The following KCNIP4 variants were observed in gnomAD, a reference collection of about 807,000 sequenced individuals.
KCNIP4 encodes Kv channel-interacting protein 4.
Under a neutral mutation model 34.0 loss-of-function variants are expected in KCNIP4, and 12 were observed. The ratio of observed to expected loss-of-function variants is 0.35; its 90% CI spans 0.23 to 0.57. The LOEUF (loss-of-function observed/expected upper bound fraction) is 0.57. Among genes scored for constraint, KCNIP4 ranks in the 20% least tolerant of loss-of-function variants. The pLI is 0.83. For synonymous variants in KCNIP4, 124 were observed against 102.2 expected (o/e 1.21, Z -1.29); for missense variants, 238 against 311.7 (o/e 0.76, Z 1.78).
chr4:21,245,079 G>A (rs1403940552), intron 1 of KCNIP4, among the ~76,000 whole-genome samples: 1 of 152,118 alleles, frequency 6.6e-6, no homozygotes, highest in Non-Finnish European at 1.5e-5. Flanking sequence ...TGAAGATGTG[G>A]TCTCCTATCT....
intron 1 of KCNIP4, among the ~76,000 whole-genome samples, chr4:21,078,478 G>A (rs965693565): frequency 6.6e-6 from 1 of 151,972 alleles, no homozygotes; most frequent in Non-Finnish European, 1.5e-5. Context: ...GAGAGAGAGA[G>A]AGATCATCTC....
chr4:20,750,425 A>G (rs1753405587), intron 4 of KCNIP4, among the ~76,000 whole-genome samples: 2 of 152,102 alleles, frequency 1.3e-5, no homozygotes, highest in South Asian at 2.1e-4. Context: ...TCCTAGTTGT[A>G]TGAAGTTGCA....
At chr4:21,552,032 T>C (rs1367814662) in intron 1 of KCNIP4, among the ~76,000 whole-genome samples, 6 of 102,120 alleles carry the variant, frequency 5.9e-5, no homozygotes, top group South Asian at 4.5e-4. Context: ...AAGGGAGAGC[T>C]TTTTTTAAAA....
chr4:21,306,185 C>T (rs1712444533), intron 1 of KCNIP4, among the ~76,000 whole-genome samples: 1 of 152,180 alleles, frequency 6.6e-6, no homozygotes, highest in African/African-American at 2.4e-5. Flanking sequence ...AAGTAGCAGG[C>T]TCAAGGTCAC....
At chr4:21,733,741 A>C (rs374305571) in intron 1 of KCNIP4, among the ~76,000 whole-genome samples, 5 of 152,184 alleles carry the variant, frequency 3.3e-5, no homozygotes, top group Admixed American at 2.6e-4. Context: ...GGGAGTGGGG[A>C]GGATAACTTC....
At chr4:21,809,514 T>C (rs1721497246) in intron 1 of KCNIP4, among the ~76,000 whole-genome samples, 1 of 152,202 alleles carries the variant, frequency 6.6e-6, no homozygotes, top group Non-Finnish European at 1.5e-5. Context: ...CTATTAGTTT[T>C]ATTTCTCTGG....
intron 1 of KCNIP4, among the ~76,000 whole-genome samples, chr4:20,960,555 A>G (rs1201821798): frequency 1.3e-5 from 2 of 152,212 alleles, no homozygotes; most frequent in African/African-American, 4.8e-5. Context: ...ATGCACAGGG[A>G]GTGGGAACTC....
intron 1 of KCNIP4, among the ~76,000 whole-genome samples, chr4:21,870,014 C>A (rs1026068407): frequency 2.6e-5 from 4 of 152,106 alleles, no homozygotes; most frequent in Admixed American, 1.3e-4. Context: ...TGGATCACAT[C>A]CCAGGACTGT....
intron 1 of KCNIP4, among the ~76,000 whole-genome samples, chr4:21,025,550 T>TGTG (rs1560656402): frequency 1.5e-5 from 1 of 68,082 alleles, no homozygotes. Flanking sequence ...ACTGTTTTTT[T>TGTG]TTTTTTTTTT....
At chr4:21,877,124 C>T (rs558692786) in intron 1 of KCNIP4, among the ~76,000 whole-genome samples, 10 of 152,180 alleles carry the variant, frequency 6.6e-5, no homozygotes, top group South Asian at 6.2e-4. Flanking sequence ...GAGGCCGAGG[C>T]GATGGATCAC....
chr4:21,004,550 C>T (rs1343405068), intron 1 of KCNIP4, among the ~76,000 whole-genome samples: 1 of 152,170 alleles, frequency 6.6e-6, no homozygotes, highest in Non-Finnish European at 1.5e-5. Context: ...AAGAGTAACA[C>T]AGTCAAGGTG....
At chr4:20,902,520 T>C (rs1224561194) in intron 1 of KCNIP4, among the ~76,000 whole-genome samples, 1 of 152,128 alleles carries the variant, frequency 6.6e-6, no homozygotes, top group Non-Finnish European at 1.5e-5. Flanking sequence ...TTATTTTTGT[T>C]GTTATTGCTA....
intron 3 of KCNIP4, among the ~76,000 whole-genome samples, chr4:20,777,917 G>A (rs1361650580): frequency 6.6e-6 from 1 of 152,162 alleles, no homozygotes; most frequent in Non-Finnish European, 1.5e-5. Flanking sequence ...ACCTAATGAA[G>A]AAAACCAGGG....
intron 1 of KCNIP4, among the ~76,000 whole-genome samples, chr4:21,468,864 T>C (rs1730217135): frequency 1.3e-5 from 2 of 152,192 alleles, no homozygotes; most frequent in South Asian, 4.1e-4. Flanking sequence ...TTATTCAATT[T>C]GAAATCTGTA....
chr4:21,629,667 TC>T, intron 1 of KCNIP4, among the ~76,000 whole-genome samples: 1 of 152,116 alleles, frequency 6.6e-6, no homozygotes, highest in Non-Finnish European at 1.5e-5. Context: ...TAAAAAATGT[TC>T]TTCAAATTCA....
intron 1 of KCNIP4, among the ~76,000 whole-genome samples, chr4:21,524,917 T>C (rs759588183): frequency 6.6e-6 from 1 of 152,166 alleles, no homozygotes; most frequent in Non-Finnish European, 1.5e-5. Context: ...ATTCAACATA[T>C]ACTATGTGCA....
At chr4:21,621,576 T>C (rs1421414444) in intron 1 of KCNIP4, among the ~76,000 whole-genome samples, 2 of 152,128 alleles carry the variant, frequency 1.3e-5, no homozygotes, top group Non-Finnish European at 2.9e-5. Flanking sequence ...CAGGCTGTTC[T>C]TGAACTCCTG....
At chr4:21,333,534 G>A (rs1198935751) in intron 1 of KCNIP4, among the ~76,000 whole-genome samples, 2 of 151,940 alleles carry the variant, frequency 1.3e-5, no homozygotes, top group African/African-American at 4.8e-5. Context: ...TTCTCAAAGT[G>A]TTAGTACAAC....
At position 20,974,744 on chromosome 4, in the gene KCNIP4, G is replaced by T. The variant is rs1010497562; in HGVS notation, c.62-92035C>A. Among the ~76,000 whole-genome samples, 6 of 152,162 alleles carry T rather than the reference G, an allele frequency of 3.9e-5. 1 individual carries two copies. Among genetic ancestry groups the T allele is most frequent in the Admixed American group, 2.6e-4 (4 of 15,286 alleles). ...GGCAATTTACTAAACTAATTTTTTG[G>T]TATGTTCATTTATATATAAACCCAA... is the stretch of plus-strand genomic sequence containing the variant. On this transcript the variant is annotated intron_variant, in intron 1 of 8. Coordinates refer to ENST00000382152, the MANE Select transcript of KCNIP4 (RefSeq NM_025221.6).
Sources: allele counts gnomAD v4.1 joint callset (sites outside exome capture counted in the v4.1 genomes callset), GRCh38; gene constraint gnomAD v4.1.1; transcripts MANE v1.5; gene names NCBI Gene and HGNC (gene_info 2026-07-23, HGNC 2026-07-21).